G2E3: variants seen among roughly 807,000 people sequenced by gnomAD.
G2E3 encodes G2/M phase-specific E3 ubiquitin-protein ligase.
A neutral mutation model predicts 92.8 loss-of-function variants in G2E3; 35 were observed. That is an observed-to-expected ratio of 0.38 (90% CI 0.29 to 0.50). The LOEUF is 0.50. G2E3 is among the 20% of genes least tolerant of loss of function. G2E3 has a pLI of 0.94. For missense variants in G2E3, 554 were observed against 823.8 expected (o/e 0.67, Z 4.01); for synonymous variants, 242 against 272.4 (o/e 0.89, Z 1.10).
intron 1 of G2E3, among the ~76,000 whole-genome samples, chr14:30,562,565 A>G (rs1306576696): frequency 6.6e-6 from 1 of 152,092 alleles, no homozygotes; most frequent in Admixed American, 6.5e-5. Context: ...TGTCAAGGAA[A>G]AACACCCGCT....
intron 13 of G2E3, among the ~76,000 whole-genome samples, chr14:30,614,497 A>G (rs1882227854): frequency 6.6e-6 from 1 of 152,204 alleles, no homozygotes. Context: ...CACTCCCACA[A>G]TAATGATATT....
At chr14:30,569,939 A>G (rs1879661367) in intron 1 of G2E3, among the ~76,000 whole-genome samples, 1 of 152,130 alleles carries the variant, frequency 6.6e-6, no homozygotes, top group South Asian at 2.1e-4. Flanking sequence ...TGCTCAGAAT[A>G]TTTATTTTTC....
In G2E3 at chr14:30,607,919, C is replaced by A; in HGVS notation, c.1350C>A (p.Gly450=). 1.2e-6 allele frequency: 2 copies of A among 1,607,386 alleles called. No homozygotes were observed. Among genetic ancestry groups the A allele is most frequent in the Non-Finnish European group, 1.7e-6 (2 of 1,176,000 alleles). The change falls in exon 12 of 15, where the codon GGC becomes GGA. Residue 450 remains glycine (G), a synonymous_variant. Transcript: ENST00000206595. ...ALKENLYYEA[G]KMLAISLVHG... ...AAGAGAATCTTTACTATGAAGCTGG[C>A]AAAATGCTTGCCATTTCTTTAGTTC...
Position 30,615,349 on chromosome 14 carries a change from T to C in G2E3, c.1674T>C (p.Ser558=), listed in dbSNP as rs764533835. 1.4e-5 allele frequency: 22 copies of C among 1,559,342 alleles called. No homozygotes were observed. The highest frequency in any genetic ancestry group is 1.9e-5 in the Non-Finnish European group (22 of 1,145,430). ...GGCTCATTATTTTTCTTCTCTTAAGTTTTAAGCAGGGTCTGAAAACCCTTG... is the reference window on the plus strand; with the variant it reads ...GGCTCATTATTTTTCTTCTCTTAAGCTTTAAGCAGGGTCTGAAAACCCTTG... ...VIQRVHTPFE[S]FKQGLKTLGV... The change falls in exon 14 of 15, where the codon AGT becomes AGC. Residue 558 remains serine, a splice_region_variant and synonymous_variant. Coordinates refer to ENST00000206595, the MANE Select transcript of G2E3 (RefSeq NM_017769.5).
rs149773574 is a variant in G2E3, at chr14:30,610,489, G to A, written c.1501-1718G>A. 5.6e-3 allele frequency among the ~76,000 whole-genome samples: 845 copies of A among 152,208 alleles called. 5 individuals carry two copies. Among genetic ancestry groups the A allele is most frequent in the Middle Eastern group, 0.014 (4 of 294 alleles). On this transcript the variant is annotated intron_variant, in intron 12 of 14. Coordinates refer to ENST00000206595, the MANE Select transcript of G2E3 (RefSeq NM_017769.5). ...AAATTAGCCAGGTGTGGTGGCGCGC[G>A]CCTATAGTCCCAGCTGCTTGAAAGG...
chr14:30,613,814 TGA>T (rs1401162197), intron 13 of G2E3, among the ~76,000 whole-genome samples: 2 of 152,142 alleles, frequency 1.3e-5, no homozygotes, highest in African/African-American at 4.8e-5. Flanking sequence ...TGTCCTGTGT[TGA>T]GAATTCCAGT....
intron 2 of G2E3, among the ~76,000 whole-genome samples, chr14:30,584,131 C>A (rs1217795303): frequency 2.6e-5 from 4 of 151,930 alleles, no homozygotes; most frequent in Admixed American, 6.6e-5. Context: ...ATATTGTGAC[C>A]CTTTGTGTGT....
Position 30,586,791 on chromosome 14 carries a change from T to C in G2E3, c.111T>C (p.Asn37=). Reference sequence around the variant, plus strand: ...AAAAGAAAACTAAGGAGAAATGGAATCTCACTGTACATTACTACTGTTTGG... The same window carrying C: ...AAAAGAAAACTAAGGAGAAATGGAACCTCACTGTACATTACTACTGTTTGG... The part of the protein sequence containing the change: ...YGEKKTKEKW[N]LTVHYYCLLM... The change falls in exon 3 of 15, where the codon AAT becomes AAC. Residue 37 remains asparagine, a synonymous_variant. Coordinates refer to ENST00000206595, the MANE Select transcript of G2E3 (RefSeq NM_017769.5). 3.7e-6 allele frequency: 5 copies of C among 1,359,646 alleles called. No individual in the cohort carries two copies. The highest frequency in any genetic ancestry group is 5.1e-6 in the Non-Finnish European group (5 of 981,542). 84.2% of individuals were successfully genotyped at this position (1,359,646 alleles called of 1,614,324 possible). A position where few individuals can be genotyped will look rare whatever the true frequency, so the allele number is the denominator to read the frequency against.
intron 1 of G2E3, among the ~76,000 whole-genome samples, chr14:30,565,409 A>G (rs954200593): frequency 2.0e-5 from 3 of 152,002 alleles, no homozygotes; most frequent in Non-Finnish European, 2.9e-5. Flanking sequence ...ATTTTTTCCC[A>G]TTCTGTAGAT....
rs187850830 is a variant in G2E3, at chr14:30,564,127, G to T, written c.-5+4855G>T. 1.6e-3 allele frequency among the ~76,000 whole-genome samples: 238 copies of T among 152,242 alleles called. 3 individuals carry two copies. Among genetic ancestry groups the T allele is most frequent in the East Asian group, 1.7e-3 (9 of 5,188 alleles). On this transcript the variant is annotated intron_variant, in intron 1 of 14. Transcript: ENST00000206595. ...GCAATAAAAGTCACCCATTTTAGGG[G>T]TATAGTTCAATGAGTTTTAGTAAAT... is the stretch of plus-strand genomic sequence containing the variant.
At chr14:30,569,809 G>A (rs1879653364) in intron 1 of G2E3, among the ~76,000 whole-genome samples, 1 of 152,096 alleles carries the variant, frequency 6.6e-6, no homozygotes, top group Non-Finnish European at 1.5e-5. Context: ...CCAACCAAAT[G>A]GCAGAATCAG....
At chr14:30,565,136 C>G (rs200781968) in intron 1 of G2E3, among the ~76,000 whole-genome samples, 1 of 152,268 alleles carries the variant, frequency 6.6e-6, no homozygotes, top group African/African-American at 2.4e-5. Flanking sequence ...TTAACACTTA[C>G]TATTTTAGTT....
chr14:30,610,654 A>G (rs1285994409), intron 12 of G2E3, among the ~76,000 whole-genome samples: 1 of 152,156 alleles, frequency 6.6e-6, no homozygotes, highest in Non-Finnish European at 1.5e-5. Context: ...CAACAGAATA[A>G]AAGGAGATGG....
chr14:30,563,665 A>C (rs1037832925), intron 1 of G2E3, among the ~76,000 whole-genome samples: 1 of 145,664 alleles, frequency 6.9e-6, no homozygotes, highest in Admixed American at 6.8e-5. Flanking sequence ...TATATTGATA[A>C]CTTAATGTAA....
At position 30,574,919 on chromosome 14, in the gene G2E3, A is replaced by G. The variant is rs144575247; in HGVS notation, c.-4-6157A>G. On this transcript the variant is annotated intron_variant, in intron 1 of 14. Coordinates refer to ENST00000206595, the MANE Select transcript of G2E3 (RefSeq NM_017769.5). ...ATGTGTCTTTATGGTAGAATGATTTATAGTCCTCTGGCTATATACCCAGTA... is the reference window on the plus strand; with the variant it reads ...ATGTGTCTTTATGGTAGAATGATTTGTAGTCCTCTGGCTATATACCCAGTA... 1.7e-4 allele frequency among the ~76,000 whole-genome samples: 26 copies of G among 152,284 alleles called. No homozygotes were observed. In the East Asian group the frequency reaches 5.0e-3, roughly 29 times the overall value.
intron 12 of G2E3, among the ~76,000 whole-genome samples, chr14:30,608,680 A>G (rs1481001852): frequency 6.6e-6 from 1 of 152,248 alleles, no homozygotes; most frequent in Non-Finnish European, 1.5e-5. Context: ...TCATAATGCC[A>G]TATAAGTGTC....
At chr14:30,591,254 A>G (rs1382157576) in intron 4 of G2E3, among the ~76,000 whole-genome samples, 2 of 152,172 alleles carry the variant, frequency 1.3e-5, no homozygotes, top group Non-Finnish European at 2.9e-5. Flanking sequence ...AGGGGTCAGC[A>G]GTAACTCTGT....
intron 6 of G2E3, among the ~76,000 whole-genome samples, chr14:30,596,150 G>GTT (rs1272853059): frequency 7.1e-6 from 1 of 141,300 alleles, no homozygotes; most frequent in Non-Finnish European, 1.6e-5. Context: ...GTGTGTGTGT[G>GTT]TGTGTGTGTG....
intron 3 of G2E3, among the ~76,000 whole-genome samples, chr14:30,588,152 C>T (rs868006608): frequency 3.3e-5 from 5 of 151,104 alleles, no homozygotes; most frequent in Middle Eastern, 3.4e-3. Context: ...AAGTTACAGA[C>T]GATTATGTTT....
Sources: allele counts gnomAD v4.1 joint callset (sites outside exome capture counted in the v4.1 genomes callset), GRCh38; gene constraint gnomAD v4.1.1; transcripts MANE v1.5; gene names NCBI Gene and HGNC (gene_info 2026-07-23, HGNC 2026-07-21).